Variants in ROBO2 observed in about 807,000 individuals in gnomAD.
ROBO2 encodes the protein roundabout guidance receptor 2.
In ROBO2, 53 loss-of-function variants were observed where a neutral mutation model predicts 160.8. That is an observed-to-expected ratio of 0.33 (90% CI 0.26 to 0.41). The LOEUF is 0.41. Among genes scored for constraint, ROBO2 ranks in the 10% least tolerant of loss-of-function variants. The probability of loss-of-function intolerance (pLI) is 1.00; values close to 1 mark genes in which losing one functional copy is unlikely to be tolerated. For synonymous variants in ROBO2, 664 were observed against 611.7 expected, an observed-to-expected ratio of 1.09 and a Z score of -1.26; for missense variants, 1,577 against 1,722.4, an observed-to-expected ratio of 0.92 and a Z score of 1.49.
At chr3:76,832,590 G>T (rs1039799365) in intron 2 of ROBO2, among the ~76,000 whole-genome samples, 1 of 152,102 alleles carries the variant, frequency 6.6e-6, no homozygotes, top group Non-Finnish European at 1.5e-5. Flanking sequence ...CTAGAATTAG[G>T]TGGGCACTGA....
intron 2 of ROBO2, among the ~76,000 whole-genome samples, chr3:76,196,701 T>C (rs1048577838): frequency 6.6e-6 from 1 of 152,128 alleles, no homozygotes; most frequent in Admixed American, 6.6e-5. Context: ...GTTTTGAAAA[T>C]TGGAGATTAT....
chr3:76,198,794 A>G (rs1702381375), intron 2 of ROBO2, among the ~76,000 whole-genome samples: 1 of 152,064 alleles, frequency 6.6e-6, no homozygotes, highest in East Asian at 1.9e-4. Context: ...CTTTCAACCA[A>G]TTGCCAATTA....
chr3:77,223,419 C>T (rs2086082320), intron 2 of ROBO2, among the ~76,000 whole-genome samples: 1 of 152,050 alleles, frequency 6.6e-6, no homozygotes, highest in African/African-American at 2.4e-5. Flanking sequence ...GCGCAATAAA[C>T]ATTTTTCTTT....
intron 2 of ROBO2, among the ~76,000 whole-genome samples, chr3:76,768,751 G>C (rs1332937203): frequency 6.6e-6 from 1 of 150,990 alleles, no homozygotes; most frequent in East Asian, 2.0e-4. Flanking sequence ...GTTTTTAAGT[G>C]TAATAACAGT....
chr3:77,410,732 T>C (rs1296633826), intron 2 of ROBO2, among the ~76,000 whole-genome samples: 1,129 of 48,588 alleles, frequency 0.023, no homozygotes, highest in East Asian at 0.035. Context: ...CCTCCTCCTC[T>C]TCCTCCTCCT....
chr3:76,121,996 T>C (rs2108293034), intron 2 of ROBO2, among the ~76,000 whole-genome samples: 1 of 152,316 alleles, frequency 6.6e-6, no homozygotes, highest in African/African-American at 2.4e-5. Context: ...TCATGATACT[T>C]GTATTTACCC....
chr3:76,417,738 C>T (rs553785612), intron 2 of ROBO2, among the ~76,000 whole-genome samples: 1 of 151,946 alleles, frequency 6.6e-6, no homozygotes, highest in South Asian at 2.1e-4. Context: ...CTCTGCAAAA[C>T]CAAACTATTA....
chr3:77,028,077 G>C (rs1324435340), intron 2 of ROBO2, among the ~76,000 whole-genome samples: 2 of 151,714 alleles, frequency 1.3e-5, no homozygotes, highest in Non-Finnish European at 2.9e-5. Flanking sequence ...CTTTCATTCT[G>C]TTTCATTTCC....
At chr3:76,688,231 G>T (rs184736253) in intron 2 of ROBO2, among the ~76,000 whole-genome samples, 82 of 151,976 alleles carry the variant, frequency 5.4e-4, no homozygotes, top group African/African-American at 1.9e-3. Context: ...AAAAGGCAAG[G>T]CATGCTTCAG....
intron 2 of ROBO2, among the ~76,000 whole-genome samples, chr3:76,736,241 C>A (rs1338321671): frequency 1.5e-5 from 2 of 137,738 alleles, no homozygotes; most frequent in African/African-American, 6.0e-5. Flanking sequence ...GAGATCGCGT[C>A]CCTGCACTCC....
At chr3:76,573,787 T>C (rs2085109358) in intron 2 of ROBO2, among the ~76,000 whole-genome samples, 1 of 152,074 alleles carries the variant, frequency 6.6e-6, no homozygotes, top group Non-Finnish European at 1.5e-5. Flanking sequence ...GTGGCCTCAT[T>C]CCTTGGGCAC....
intron 2 of ROBO2, among the ~76,000 whole-genome samples, chr3:76,914,684 T>A (rs2076201716): frequency 6.6e-6 from 1 of 152,164 alleles, no homozygotes; most frequent in Non-Finnish European, 1.5e-5. Flanking sequence ...TGCCTTTTGC[T>A]ATACATATCA....
At chr3:77,505,575 A>G (rs1056109163) in intron 5 of ROBO2, among the ~76,000 whole-genome samples, 3 of 152,106 alleles carry the variant, frequency 2.0e-5, no homozygotes, top group Admixed American at 6.6e-5. Context: ...TGAGTTAAGG[A>G]GAGGAAAAAT....
At chr3:76,455,713 T>C (rs1484330403) in intron 2 of ROBO2, among the ~76,000 whole-genome samples, 1 of 152,104 alleles carries the variant, frequency 6.6e-6, no homozygotes, top group African/African-American at 2.4e-5. Flanking sequence ...TGCACATTCC[T>C]TTCAGGGGAA....
intron 5 of ROBO2, among the ~76,000 whole-genome samples, chr3:77,502,466 A>AT (rs1218798346): frequency 3.3e-5 from 5 of 152,092 alleles, no homozygotes; most frequent in Admixed American, 2.0e-4. Context: ...AAACAAATCT[A>AT]TTTTTTCTCA....
At chr3:76,218,461 A>C (rs1294742320) in intron 2 of ROBO2, among the ~76,000 whole-genome samples, 1 of 152,206 alleles carries the variant, frequency 6.6e-6, no homozygotes, top group Non-Finnish European at 1.5e-5. Flanking sequence ...CAACTTCAGC[A>C]AAGTCTCAGG....
chr3:77,526,785 T>A (rs1433376767), intron 6 of ROBO2, among the ~76,000 whole-genome samples: 2 of 151,454 alleles, frequency 1.3e-5, no homozygotes, highest in Non-Finnish European at 3.0e-5. Flanking sequence ...TCCTGCCCTC[T>A]GCCAGAAGAA....
chr3:77,602,574 A>G (rs980613870), intron 20 of ROBO2, 83 bp downstream of exon 21: 5 of 1,515,932 alleles, frequency 3.3e-6, no homozygotes, highest in Non-Finnish European at 3.7e-6. Context: ...TGTTTGACTT[A>G]GTGATTCATT....
chr3:77,508,500 T>A (rs73103701), intron 5 of ROBO2, among the ~76,000 whole-genome samples: 18,033 of 149,580 alleles, frequency 0.12, 1,125 homozygotes, highest in East Asian at 0.17. Flanking sequence ...AATCTCTAAA[T>A]GTTTAGGAGT....
Sources: gnomAD v4.1 joint callset for allele counts (sites outside exome capture counted in the v4.1 genomes callset) on GRCh38, gnomAD v4.1.1 for gene constraint, MANE v1.5 for transcripts, NCBI Gene and HGNC (gene_info 2026-07-23, HGNC 2026-07-21) for gene names.